HNRNPD: variants seen among roughly 807,000 people sequenced by gnomAD.
HNRNPD encodes the protein heterogeneous nuclear ribonucleoprotein D.
In HNRNPD, 3 loss-of-function variants were observed where a neutral mutation model predicts 47.9. That is an observed-to-expected ratio of 0.06 (90% CI 0.03 to 0.16). The LOEUF is 0.16. Among genes scored for constraint, HNRNPD ranks in the 10% least tolerant of loss-of-function variants. The probability of loss-of-function intolerance (pLI) is 1.00; values close to 1 mark genes in which losing one functional copy is unlikely to be tolerated. For synonymous variants in HNRNPD, 171 were observed against 165.1 expected (o/e 1.04, Z -0.28); for missense variants, 287 against 454.2 (o/e 0.63, Z 3.35).
chr4:82,355,285 A>C lies in HNRNPD; in HGVS notation c.*30+19T>G, dbSNP rs766965963. 1 of 1,383,082 alleles carries C rather than the reference A, an allele frequency of 7.2e-7. No homozygotes were observed. The highest frequency in any genetic ancestry group is 2.3e-5 in the East Asian group (1 of 43,764). 85.7% of individuals were successfully genotyped at this position (1,383,082 alleles called of 1,614,324 possible). A position where few individuals can be genotyped will look rare whatever the true frequency, so the allele number is the denominator to read the frequency against. On this transcript the variant is annotated intron_variant, in intron 8 of 8. Transcript: ENST00000313899. ...ACTACTATTGTAAATGACAAAAAAA[A>C]ACTATTTTTAGAACATACCTGTTGG...
intron 2 of HNRNPD, among the ~76,000 whole-genome samples, chr4:82,366,371 G>A (rs1352158929): frequency 1.3e-5 from 2 of 152,098 alleles, no homozygotes; most frequent in Non-Finnish European, 2.9e-5. Context: ...AGCCTCCCAA[G>A]TAGATGGGAC....
At chr4:82,371,012 T>C (rs573933167) in intron 2 of HNRNPD, among the ~76,000 whole-genome samples, 1 of 122,480 alleles carries the variant, frequency 8.2e-6, no homozygotes, top group South Asian at 2.4e-4. Context: ...ACACTTCTTA[T>C]TAAAGGTCTA....
At chr4:82,368,721 G>A (rs1488873200) in intron 2 of HNRNPD, among the ~76,000 whole-genome samples, 1 of 152,048 alleles carries the variant, frequency 6.6e-6, no homozygotes, top group African/African-American at 2.4e-5. Flanking sequence ...CTGAATCAAA[G>A]GCCAGTAAAT....
At chr4:82,366,740 T>C (rs1385526258) in intron 2 of HNRNPD, among the ~76,000 whole-genome samples, 1 of 152,024 alleles carries the variant, frequency 6.6e-6, no homozygotes, top group African/African-American at 2.4e-5. Flanking sequence ...TTTGTATTTT[T>C]AGTAGAGCTG....
chr4:82,373,315 G>T, intron 1 of HNRNPD, 131 bp downstream of exon 1: 1 of 1,222,876 alleles, frequency 8.2e-7, no homozygotes, highest in Non-Finnish European at 1.1e-6. Context: ...GAAAAAGGGA[G>T]ACCAGTGCAA....
rs1424807632 is a variant in HNRNPD at position 82,353,076 on chromosome 4, G to A, written c.*1109C>T. 1 of 152,112 alleles carries A rather than the reference G, an allele frequency of 6.6e-6. No individual in the cohort carries two copies. Among genetic ancestry groups the A allele is most frequent in the African/African-American group, 2.4e-5 (1 of 41,416 alleles). The allele number at this position is 152,112 out of a possible 1,614,324, so 9.4% of individuals were successfully genotyped here. On this transcript the variant is annotated 3_prime_UTR_variant, in exon 9 of 9. Coordinates refer to ENST00000313899, the MANE Select transcript of HNRNPD (RefSeq NM_031370.3). ...CAAACGATTTTCCATTCAAGTTGATGGGTATCAATTCCCTGAATGCTAATA... is the reference window on the plus strand; with the variant it reads ...CAAACGATTTTCCATTCAAGTTGATAGGTATCAATTCCCTGAATGCTAATA...
At chr4:82,362,345 G>A (rs1167335970) in intron 2 of HNRNPD, among the ~76,000 whole-genome samples, 1 of 152,176 alleles carries the variant, frequency 6.6e-6, no homozygotes, top group Non-Finnish European at 1.5e-5. Context: ...TCTGTGTAAA[G>A]TAGAAGTCTC....
intron 1 of HNRNPD, chr4:82,373,222 A>G (rs1720169782): frequency 1.4e-6 from 1 of 727,340 alleles, no homozygotes; most frequent in Non-Finnish European, 2.4e-6. Context: ...GTGACGGCTA[A>G]AGGTGGAAAC....
intron 2 of HNRNPD, among the ~76,000 whole-genome samples, chr4:82,370,413 T>C (rs1719979895): frequency 1.3e-5 from 2 of 152,210 alleles, no homozygotes; most frequent in Non-Finnish European, 2.9e-5. Flanking sequence ...TAATGTCAAA[T>C]AGTTTATAGT....
chr4:82,371,214 A>G (rs1578058619), intron 2 of HNRNPD, among the ~76,000 whole-genome samples: 1 of 101,856 alleles, frequency 9.8e-6, no homozygotes, highest in African/African-American at 3.2e-5. Context: ...TCATCTTAAA[A>G]TAAATCAAAT....
chr4:82,355,182 TATA>T, intron 8 of HNRNPD, 119 bp downstream of exon 8: 1 of 661,306 alleles, frequency 1.5e-6, no homozygotes, highest in South Asian at 1.8e-5. Flanking sequence ...GTCACTATGT[TATA>T]ATATGGTAAG....
At position 82,360,316 on chromosome 4, in the gene HNRNPD, G is replaced by T. The variant is rs1723907609; in HGVS notation, c.291-677C>A. On this transcript the variant is annotated intron_variant, in intron 2 of 8. Transcript: ENST00000313899. ...AAAGTATTTAAGCCTTTAAAATGCA[G>T]AAAGTGATGGGTGGTAAGCGGAAAT... is the stretch of plus-strand genomic sequence containing the variant. Among the ~76,000 whole-genome samples the T allele has an allele frequency of 2.0e-5, 3 of 152,110 alleles. 1 individual carries two copies. In the South Asian group the frequency reaches 6.2e-4, roughly 32 times the overall value.
rs957801682 is a variant in HNRNPD at position 82,373,592 on chromosome 4, G to A, written c.87C>T (p.Ala29=). Residue 29 remains alanine, a synonymous_variant, in exon 1 of 9, where the codon GCC becomes GCT. Transcript: ENST00000313899. ...CTGCCCCCTGTGTCGCCGCCACCATGGCTCCCTCCTGCTCGCCCGCCGAGC... is the reference window on the plus strand; with the variant it reads ...CTGCCCCCTGTGTCGCCGCCACCATAGCTCCCTCCTGCTCGCCCGCCGAGC... ...VGGSAGEQEG[A]MVAATQGAAA... The A allele has an allele frequency of 3.3e-6, 5 of 1,533,252 alleles. No homozygotes were observed. In the East Asian group the frequency reaches 7.5e-5, roughly 23 times the overall value. The allele number at this position is 1,533,252 out of a possible 1,614,324, so 95.0% of individuals were successfully genotyped here.
chr4:82,356,508 G>A, intron 7 of HNRNPD, 29 bp downstream of exon 7: 1 of 1,535,150 alleles, frequency 6.5e-7, no homozygotes, highest in Non-Finnish European at 9.0e-7. Flanking sequence ...ATGTCAAATA[G>A]CAGTTAATAT....
chr4:82,373,628 CGCCGTTGCCGCT>C lies in HNRNPD; in HGVS notation c.39_50del (p.Ala15_Ala18del). 1 of 1,527,046 alleles carries C rather than the reference CGCCGTTGCCGCT, an allele frequency of 6.5e-7. No individual in the cohort carries two copies. The highest frequency in any genetic ancestry group is 2.0e-5 in the Admixed American group (1 of 50,470). The allele number at this position is 1,527,046 out of a possible 1,614,324, so 94.6% of individuals were successfully genotyped here. A position where few individuals can be genotyped will look rare whatever the true frequency, so the allele number is the denominator to read the frequency against. On this transcript the variant is annotated inframe_deletion, in exon 1 of 9. Coordinates refer to ENST00000313899, the MANE Select transcript of HNRNPD (RefSeq NM_031370.3). ...GCTCGCCCGCCGAGCCGCCTACCGC[CGCCGTTGCCGCT>C]GCCGCCGCCCCGTCCCCGCCGAACT...
rs1024246437 is a variant in HNRNPD, at chr4:82,373,809, C to A, written c.-131G>T. On this transcript the variant is annotated 5_prime_UTR_variant, in exon 1 of 9. Coordinates refer to ENST00000313899, the MANE Select transcript of HNRNPD (RefSeq NM_031370.3). ...CGCGAAGCACACAAGACAGGGAAGG[C>A]GCGCGCGTGGCTGCAAAGGCTCCTG... 3.3e-6 allele frequency: 5 copies of A among 1,496,552 alleles called. No individual in the cohort carries two copies. The African/African-American group carries it at 4.3e-5, about 13-fold the overall frequency. The allele number at this position is 1,496,552 out of a possible 1,614,324, so 92.7% of individuals were successfully genotyped here. A position where few individuals can be genotyped will look rare whatever the true frequency, so the allele number is the denominator to read the frequency against.
At chr4:82,373,209 A>AGCG in intron 1 of HNRNPD, 1 of 705,028 alleles carries the variant, frequency 1.4e-6, no homozygotes. Flanking sequence ...GAGGAGCAGC[A>AGCG]TGGTGACGGC....
At chr4:82,354,444 G>C (rs1723633440) in intron 8 of HNRNPD, 1 of 152,558 alleles carries the variant, frequency 6.6e-6, no homozygotes, top group African/African-American at 2.4e-5. Context: ...TTTGGTAAAA[G>C]GACATTTTGA....
Position 82,358,903 on chromosome 4 carries a change from A to C in HNRNPD, c.460-83T>G, listed in dbSNP as rs962689659. On this transcript the variant is annotated intron_variant, in intron 3 of 8. Coordinates refer to ENST00000313899, the MANE Select transcript of HNRNPD (RefSeq NM_031370.3). The stretch of plus-strand genomic sequence containing the variant: ...TATTAACTTACTTAAAAATAACTAT[A>C]AATACAGATAATGCCAAGCATATGT... 6 of 996,636 alleles carry C rather than the reference A, an allele frequency of 6.0e-6. No individual in the cohort carries two copies. The Admixed American group carries it at 1.1e-4, about 18-fold the overall frequency. The allele number at this position is 996,636 out of a possible 1,614,324, so 61.7% of individuals were successfully genotyped here.
Sources: allele counts gnomAD v4.1 joint callset (sites outside exome capture counted in the v4.1 genomes callset), GRCh38; gene constraint gnomAD v4.1.1; transcripts MANE v1.5; gene names NCBI Gene and HGNC (gene_info 2026-07-23, HGNC 2026-07-21).